Variants in ARID5B observed in about 807,000 individuals in gnomAD.
ARID5B encodes AT-rich interactive domain-containing protein 5B.
A neutral mutation model predicts 97.2 loss-of-function variants in ARID5B; 13 were observed. The observed-to-expected ratio is 0.13, with a 90% CI of 0.09 to 0.21. The LOEUF (loss-of-function observed/expected upper bound fraction) is 0.21, where lower values mean the gene tolerates loss of function less well. Among genes scored for constraint, ARID5B ranks in the 10% least tolerant of loss-of-function variants. ARID5B has a pLI of 1.00. For missense variants in ARID5B, 1,210 were observed against 1,465.3 expected (o/e 0.83, Z 2.84); for synonymous variants, 556 against 570.3 (o/e 0.97, Z 0.36).
intron 4 of ARID5B, among the ~76,000 whole-genome samples, chr10:62,007,804 G>T (rs1434170982): frequency 2.0e-5 from 3 of 151,986 alleles, no homozygotes; most frequent in Non-Finnish European, 4.4e-5. Flanking sequence ...TTGTTTGTTT[G>T]TCCCTCTGCA....
chr10:62,091,732 A>G lies in ARID5B; in HGVS notation c.2269A>G (p.Ser757Gly), dbSNP rs1423576796. The G allele has an allele frequency of 1.9e-6, 3 of 1,614,160 alleles. No homozygotes were observed. The highest frequency in any genetic ancestry group is 1.7e-5 in the Admixed American group (1 of 60,032). The part of the protein sequence containing the change: ...SRPSVIQHVQ[S>G]FRSKPSEERK... ...GCCATCAGTGATTCAGCACGTCCAG[A>G]GTTTCAGAAGCAAGCCCTCGGAAGA... The change falls in exon 10 of 10, where the codon AGT becomes GGT. Residue 757 changes from serine to glycine, a missense_variant. Ser to Gly is a moderately conservative substitution (Grantham distance 56). Coordinates refer to ENST00000279873, the MANE Select transcript of ARID5B (RefSeq NM_032199.3).
At chr10:62,053,239 T>C (rs1839814226) in intron 5 of ARID5B, among the ~76,000 whole-genome samples, 1 of 152,202 alleles carries the variant, frequency 6.6e-6, no homozygotes. Context: ...CATGTGACTG[T>C]TTCTTTTTAA....
At chr10:62,069,873 G>C in intron 8 of ARID5B, 76 bp downstream of exon 8, 1 of 1,442,588 alleles carries the variant, frequency 6.9e-7, no homozygotes, top group Non-Finnish European at 9.6e-7. Context: ...GGATAAGACA[G>C]AGGAAGTCTA....
At chr10:61,988,251 T>C (rs768727778) in intron 3 of ARID5B, among the ~76,000 whole-genome samples, 10 of 152,190 alleles carry the variant, frequency 6.6e-5, no homozygotes, top group Non-Finnish European at 7.3e-5. Context: ...AAATTACTTT[T>C]AGTAATGTGC....
At chr10:62,041,085 T>C (rs1839630276) in intron 4 of ARID5B, among the ~76,000 whole-genome samples, 1 of 152,214 alleles carries the variant, frequency 6.6e-6, no homozygotes. Context: ...AGTTAACATG[T>C]CACCAGGTAT....
Position 62,057,150 on chromosome 10 carries a change from C to T in ARID5B, c.880C>T (p.Pro294Ser). Residue 294 changes from proline to serine, a missense_variant, in exon 6 of 10, where the codon CCG (proline) becomes TCG (serine). By Grantham distance (74) the Pro-to-Ser change is moderately conservative. Transcript: ENST00000279873. ...TGAGGCCAGGTCAGCCTTGACCAAG[C>T]CGAAGAATAACCATAACTGTAAAAA... ...KCEARSALTK[P>S]KNNHNCKKVS... 1 of 1,613,550 alleles carries T rather than the reference C, an allele frequency of 6.2e-7. No homozygotes were observed. Among genetic ancestry groups the T allele is most frequent in the Non-Finnish European group, 8.5e-7 (1 of 1,179,746 alleles).
intron 7 of ARID5B, among the ~76,000 whole-genome samples, chr10:62,062,418 C>T (rs1005292899): frequency 6.6e-6 from 1 of 152,180 alleles, no homozygotes; most frequent in Non-Finnish European, 1.5e-5. Context: ...TGTGGTGGGG[C>T]ATGGGCCTGA....
rs182399346 is a variant in ARID5B at position 62,042,522 on chromosome 10, G to A, written c.734-8366G>A. On this transcript the variant is annotated intron_variant, in intron 4 of 9. Coordinates refer to ENST00000279873, the MANE Select transcript of ARID5B (RefSeq NM_032199.3). ...TGGGCTGAGAAAACAGACCCTTTGC[G>A]TGCAGTATCAGCTCCTAGATAGCAC... 9.2e-5 allele frequency among the ~76,000 whole-genome samples: 14 copies of A among 152,258 alleles called. No homozygotes were observed. In the East Asian group the frequency reaches 1.3e-3, roughly 15 times the overall value.
chr10:62,040,542 A>G (rs1358865454), intron 4 of ARID5B, among the ~76,000 whole-genome samples: 2 of 152,174 alleles, frequency 1.3e-5, no homozygotes, highest in East Asian at 3.8e-4. Context: ...TAATCATAAC[A>G]TTGAATTATT....
rs77950214 is a variant in ARID5B, at chr10:62,036,691, C to T, written c.734-14197C>T. Among the ~76,000 whole-genome samples the T allele has an allele frequency of 1.7e-3, 258 of 152,310 alleles. 2 individuals are homozygous for T. Among genetic ancestry groups the T allele is most frequent in the East Asian group, 0.013 (65 of 5,186 alleles). Reference sequence around the variant, plus strand: ...AACATGGTCTTGGGATGACAGGGCTCACCCTGCAGAGACCCAAATGGAGGT... The same window carrying T: ...AACATGGTCTTGGGATGACAGGGCTTACCCTGCAGAGACCCAAATGGAGGT... On this transcript the variant is annotated intron_variant, in intron 4 of 9. Coordinates refer to ENST00000279873, the MANE Select transcript of ARID5B (RefSeq NM_032199.3).
intron 7 of ARID5B, among the ~76,000 whole-genome samples, chr10:62,061,399 T>A (rs965178539): frequency 2.6e-5 from 4 of 152,100 alleles, no homozygotes; most frequent in Non-Finnish European, 5.9e-5. Context: ...AGGTTGGGCA[T>A]GGAGAGTTTG....
chr10:62,009,434 T>C (rs895072307), intron 4 of ARID5B, among the ~76,000 whole-genome samples: 1 of 152,166 alleles, frequency 6.6e-6, no homozygotes, highest in Non-Finnish European at 1.5e-5. Context: ...AATCAAGTTG[T>C]CTGAGATAGG....
chr10:62,044,853 A>G (rs1839686258), intron 4 of ARID5B, among the ~76,000 whole-genome samples: 1 of 152,192 alleles, frequency 6.6e-6, no homozygotes, highest in Non-Finnish European at 1.5e-5. Context: ...TTTATATCTC[A>G]TACAATGCAA....
chr10:62,003,048 G>C (rs1235527624), intron 4 of ARID5B, among the ~76,000 whole-genome samples: 1 of 152,236 alleles, frequency 6.6e-6, no homozygotes, highest in South Asian at 2.1e-4. Flanking sequence ...TACCTCCAAG[G>C]CCCTTCTCAA....
At chr10:62,086,451 C>G (rs921372000) in intron 9 of ARID5B, among the ~76,000 whole-genome samples, 1 of 152,046 alleles carries the variant, frequency 6.6e-6, no homozygotes, top group Non-Finnish European at 1.5e-5. Context: ...CCTGTAATCC[C>G]AGCACTTTGG....
In ARID5B at chr10:62,092,061, A is replaced by C; in HGVS notation, c.2598A>C (p.Glu866Asp). The C allele has an allele frequency of 6.2e-7, 1 of 1,614,164 alleles. No homozygotes were observed. The highest frequency in any genetic ancestry group is 1.1e-5 in the South Asian group (1 of 91,074). Residue 866 changes from glutamate to aspartate, a missense_variant, in exon 10 of 10, where the codon GAA becomes GAC. By Grantham distance (45) the Glu-to-Asp change is conservative. Coordinates refer to ENST00000279873, the MANE Select transcript of ARID5B (RefSeq NM_032199.3). Reference sequence around the variant, plus strand: ...CCAGGGACATGTACAGGGAATCGGAAAACAGTTCTTTTCCTTCCCACAGAC... The same window carrying C: ...CCAGGGACATGTACAGGGAATCGGACAACAGTTCTTTTCCTTCCCACAGAC... The part of the protein sequence containing the change: ...YPSRDMYRES[E>D]NSSFPSHRHQ...
intron 3 of ARID5B, among the ~76,000 whole-genome samples, chr10:61,969,336 TG>T (rs1338853868): frequency 2.0e-5 from 3 of 152,210 alleles, no homozygotes; most frequent in African/African-American, 7.2e-5. Flanking sequence ...TTCCCAGTTT[TG>T]TGAGGTGGTC....
At chr10:62,037,648 C>T (rs774624553) in intron 4 of ARID5B, among the ~76,000 whole-genome samples, 2 of 152,142 alleles carry the variant, frequency 1.3e-5, no homozygotes, top group Admixed American at 1.3e-4. Context: ...CAGCAAAAAC[C>T]GCCCCCCTTC....
intron 5 of ARID5B, among the ~76,000 whole-genome samples, chr10:62,055,495 G>A (rs1479035778): frequency 6.6e-6 from 1 of 152,190 alleles, no homozygotes; most frequent in East Asian, 1.9e-4. Context: ...TAAAACTGGA[G>A]TGATGTTATG....
Sources: allele counts gnomAD v4.1 joint callset (sites outside exome capture counted in the v4.1 genomes callset), GRCh38; gene constraint gnomAD v4.1.1; transcripts MANE v1.5; gene names NCBI Gene and HGNC (gene_info 2026-07-23, HGNC 2026-07-21).